CNTNAP4: variants seen among roughly 807,000 people sequenced by gnomAD.
CNTNAP4 encodes the protein contactin associated protein family member 4, also known as contactin-associated protein-like 4.
In CNTNAP4, 98 loss-of-function variants were observed where a neutral mutation model predicts 148.4. The ratio of observed to expected loss-of-function variants is 0.66; its 90% CI spans 0.56 to 0.78. CNTNAP4 has a LOEUF of 0.78. CNTNAP4 is among the 30% of genes least tolerant of loss of function. CNTNAP4 has a pLI of 0.00. For synonymous variants in CNTNAP4, 730 were observed against 565.1 expected, an observed-to-expected ratio of 1.29 and a Z score of -4.14; for missense variants, 1,935 against 1,565.6, an observed-to-expected ratio of 1.24 and a Z score of -3.98.
chr16:76,476,795 T>A (rs2081601207), intron 11 of CNTNAP4, among the ~76,000 whole-genome samples: 1 of 152,084 alleles, frequency 6.6e-6, no homozygotes, highest in Non-Finnish European at 1.5e-5. Flanking sequence ...CACCTCCCAA[T>A]ACCACCATAT....
At chr16:76,528,329 A>G (rs1774483155) in intron 17 of CNTNAP4, among the ~76,000 whole-genome samples, 1 of 152,112 alleles carries the variant, frequency 6.6e-6, no homozygotes, top group Non-Finnish European at 1.5e-5. Context: ...GGTGTGGTGC[A>G]ATCTTGGCTC....
chr16:76,549,454 C>G (rs1218017437), intron 21 of CNTNAP4, among the ~76,000 whole-genome samples: 1 of 151,932 alleles, frequency 6.6e-6, no homozygotes, highest in Non-Finnish European at 1.5e-5. Flanking sequence ...TGGCTGGGCA[C>G]CGGCAAGCAG....
At chr16:76,435,833 C>G (rs9935637) in intron 4 of CNTNAP4, among the ~76,000 whole-genome samples, 86,203 of 151,846 alleles carry the variant, frequency 0.57, 24,634 homozygotes, top group South Asian at 0.7. Context: ...TAAGCTGCAA[C>G]GTTAAATGCA....
chr16:76,409,963 C>G (rs1397402267), intron 3 of CNTNAP4, among the ~76,000 whole-genome samples: 2 of 151,842 alleles, frequency 1.3e-5, no homozygotes, highest in Non-Finnish European at 2.9e-5. Context: ...CTTCATCTTA[C>G]TTAATTTGGA....
At chr16:76,549,153 T>C (rs1473410438) in intron 21 of CNTNAP4, among the ~76,000 whole-genome samples, 1 of 152,078 alleles carries the variant, frequency 6.6e-6, no homozygotes, top group Non-Finnish European at 1.5e-5. Context: ...GGGGCCAGCC[T>C]AGAAGAATCT....
chr16:76,456,005 G>C (rs1488757160), intron 8 of CNTNAP4, among the ~76,000 whole-genome samples: 1 of 152,192 alleles, frequency 6.6e-6, no homozygotes, highest in Non-Finnish European at 1.5e-5. Context: ...AACAAAGAGA[G>C]CAACAGAAAG....
At chr16:76,475,048 T>C (rs2081516494) in intron 10 of CNTNAP4, among the ~76,000 whole-genome samples, 1 of 152,092 alleles carries the variant, frequency 6.6e-6, no homozygotes, top group Non-Finnish European at 1.5e-5. Context: ...TAATCCCAGC[T>C]ACTCCAGAGG....
At position 76,548,295 on chromosome 16, in the gene CNTNAP4, C is replaced by CATTTTT. The variant is rs759580311; in HGVS notation, c.3443-4988_3443-4987insATTTTT. ...CCCTGGCTCTCTTGATTCACTGCAC[C>CATTTTT]TTTTTTTTTTTTTTTTTTTTTTTTG... is the stretch of plus-strand genomic sequence containing the variant. On this transcript the variant is annotated intron_variant, in intron 21 of 23. Coordinates refer to ENST00000611870, the MANE Select transcript of CNTNAP4 (RefSeq NM_033401.5). Among the ~76,000 whole-genome samples, 73 of 92,934 alleles carry CATTTTT rather than the reference C, an allele frequency of 7.9e-4. 11 individuals are homozygous for CATTTTT. The highest frequency in any genetic ancestry group is 8.8e-3 in the Middle Eastern group (1 of 114). The allele number at this position is 92,934 out of a possible 152,430, so 61.0% of individuals were successfully genotyped here. A position where few individuals can be genotyped will look rare whatever the true frequency, so the allele number is the denominator to read the frequency against.
chr16:76,430,586 C>T (rs1034618414), intron 4 of CNTNAP4, among the ~76,000 whole-genome samples: 2 of 152,168 alleles, frequency 1.3e-5, no homozygotes, highest in African/African-American at 4.8e-5. Context: ...ATCACAGCCA[C>T]AGGACATTCA....
intron 1 of CNTNAP4, among the ~76,000 whole-genome samples, chr16:76,278,740 T>C (rs1958577433): frequency 6.6e-6 from 1 of 152,246 alleles, no homozygotes; most frequent in South Asian, 2.1e-4. Context: ...ATGTTGCTGC[T>C]GTATCATCAG....
chr16:76,506,171 A>G (rs1224130659), intron 15 of CNTNAP4, among the ~76,000 whole-genome samples: 1 of 97,044 alleles, frequency 1.0e-5, no homozygotes. Context: ...CTACGTAATC[A>G]GCCTGCCAAG....
chr16:76,320,499 G>T (rs1253124797), intron 2 of CNTNAP4, among the ~76,000 whole-genome samples: 1 of 152,308 alleles, frequency 6.6e-6, no homozygotes, highest in Non-Finnish European at 1.5e-5. Flanking sequence ...TTGCTAAAGA[G>T]ATTAGTTATG....
At chr16:76,355,600 C>T (rs2012497800) in intron 3 of CNTNAP4, 89 bp downstream of exon 3, 1 of 924,886 alleles carries the variant, frequency 1.1e-6, no homozygotes, top group Admixed American at 3.0e-5. Context: ...ATTAAGTAGA[C>T]ATACAGAATC....
intron 21 of CNTNAP4, among the ~76,000 whole-genome samples, chr16:76,543,360 A>G (rs768285400): frequency 6.6e-6 from 1 of 152,248 alleles, no homozygotes; most frequent in Non-Finnish European, 1.5e-5. Context: ...TTATAGTGAA[A>G]TAGATCAACA....
chr16:76,530,643 G>C (rs1042096625), intron 17 of CNTNAP4, among the ~76,000 whole-genome samples: 2 of 152,144 alleles, frequency 1.3e-5, no homozygotes, highest in African/African-American at 4.8e-5. Flanking sequence ...CCTGACTTTG[G>C]TTCAGGGAAA....
At chr16:76,278,012 C>T (rs1958546079) in intron 1 of CNTNAP4, among the ~76,000 whole-genome samples, 1 of 152,138 alleles carries the variant, frequency 6.6e-6, no homozygotes, top group Admixed American at 6.5e-5. Flanking sequence ...TGAGAATGCC[C>T]AAGTTCTAGT....
In CNTNAP4 at chr16:76,452,490, C is replaced by A. The variant is rs765918338; in HGVS notation, c.1072-18C>A. ...GTGAATAACATTCTGAAAGCTTTTTCTTTTACTTTATTCTCAGGGAAATGT... is the reference window on the plus strand; with the variant it reads ...GTGAATAACATTCTGAAAGCTTTTTATTTTACTTTATTCTCAGGGAAATGT... On this transcript the variant is annotated intron_variant, in intron 7 of 23. Transcript: ENST00000611870. 6 of 1,612,120 alleles carry A rather than the reference C, an allele frequency of 3.7e-6. No homozygotes were observed. In the Admixed American group the frequency reaches 6.7e-5, roughly 18 times the overall value.
At chr16:76,395,017 G>C (rs1339893054) in intron 3 of CNTNAP4, among the ~76,000 whole-genome samples, 1 of 152,084 alleles carries the variant, frequency 6.6e-6, no homozygotes, top group Non-Finnish European at 1.5e-5. Context: ...GGTGGGACCA[G>C]AGCCCTTAAA....
intron 2 of CNTNAP4, among the ~76,000 whole-genome samples, chr16:76,344,083 A>G (rs1490307718): frequency 6.6e-6 from 1 of 152,174 alleles, no homozygotes; most frequent in Non-Finnish European, 1.5e-5. Flanking sequence ...GCTAGCTTCA[A>G]ACTCTGAATT....
Sources: gnomAD v4.1 joint callset for allele counts (sites outside exome capture counted in the v4.1 genomes callset) on GRCh38, gnomAD v4.1.1 for gene constraint, MANE v1.5 for transcripts, NCBI Gene and HGNC (gene_info 2026-07-23, HGNC 2026-07-21) for gene names.